Variants in LRP1B observed in about 807,000 individuals in gnomAD.
LRP1B encodes LDL receptor related protein 1B, also known as low-density lipoprotein receptor-related protein 1B.
Under a neutral mutation model 556.6 loss-of-function variants are expected in LRP1B, and 217 were observed. The ratio of observed to expected loss-of-function variants is 0.39; its 90% CI spans 0.35 to 0.44. The LOEUF is 0.44. Ranked by LOEUF, LRP1B falls within the 20% of genes least tolerant of loss-of-function variation. The pLI is 1.00. For missense variants in LRP1B, 5,053 were observed against 5,620.8 expected (o/e 0.90, Z 3.23); for synonymous variants, 2,047 against 1,865.8 (o/e 1.10, Z -2.50).
At chr2:140,516,772 T>C in intron 50 of LRP1B, 117 bp downstream of exon 50, 1 of 937,718 alleles carries the variant, frequency 1.1e-6, no homozygotes, top group South Asian at 1.6e-5. Flanking sequence ...TTAATAAAAA[T>C]GAAAATTAAT....
intron 3 of LRP1B, among the ~76,000 whole-genome samples, chr2:141,404,290 C>T (rs945154884): frequency 1.1e-4 from 17 of 152,040 alleles, no homozygotes; most frequent in Non-Finnish European, 1.5e-4. Flanking sequence ...TGATGAAGAT[C>T]GTAGTAGTTA....
rs560661596 is a variant in LRP1B at position 140,459,199 on chromosome 2, TTATA to T, written c.9626-1552_9626-1549del. 2.7e-3 allele frequency among the ~76,000 whole-genome samples: 408 copies of T among 152,296 alleles called. 2 individuals are homozygous for T. Among genetic ancestry groups the T allele is most frequent in the Admixed American group, 7.9e-3 (121 of 15,284 alleles). On this transcript the variant is annotated intron_variant, in intron 60 of 90. Transcript: ENST00000389484. ...CTATAATTAATTATGTGTGAGCTAT[TTATA>T]TAAACTATTCCCACCATTTTTCTTT... is the stretch of plus-strand genomic sequence containing the variant.
chr2:140,795,449 T>G (rs565861114), intron 32 of LRP1B, among the ~76,000 whole-genome samples: 1 of 152,262 alleles, frequency 6.6e-6, no homozygotes, highest in East Asian at 1.9e-4. Flanking sequence ...CTACTCAGAA[T>G]ATTTCCTGAA....
At chr2:140,279,784 CTT>C (rs1288486739) in intron 84 of LRP1B, among the ~76,000 whole-genome samples, 2 of 151,806 alleles carry the variant, frequency 1.3e-5, no homozygotes, top group African/African-American at 2.4e-5. Flanking sequence ...AATAGAGAAA[CTT>C]AATAGTTACT....
At chr2:140,836,396 C>T (rs1016858343) in intron 31 of LRP1B, among the ~76,000 whole-genome samples, 1 of 152,128 alleles carries the variant, frequency 6.6e-6, no homozygotes. Context: ...TTTTCCCAAC[C>T]ATGTTGTCCC....
intron 1 of LRP1B, among the ~76,000 whole-genome samples, chr2:142,104,932 T>C (rs1001801564): frequency 2.6e-5 from 4 of 152,152 alleles, no homozygotes; most frequent in East Asian, 1.9e-4. Flanking sequence ...CTGTCTCAAA[T>C]GTCCTAACAT....
chr2:140,770,745 A>T, intron 34 of LRP1B, 136 bp downstream of exon 34: 1 of 560,864 alleles, frequency 1.8e-6, no homozygotes, highest in African/African-American at 2.0e-5. Flanking sequence ...ATATGAGACT[A>T]AACAGTATAC....
At chr2:141,616,024 C>T (rs1400093576) in intron 2 of LRP1B, among the ~76,000 whole-genome samples, 1 of 152,152 alleles carries the variant, frequency 6.6e-6, no homozygotes, top group Non-Finnish European at 1.5e-5. Context: ...TGGCTCACGC[C>T]TGTAATCCCA....
chr2:140,514,837 G>A, intron 50 of LRP1B, 65 bp from the exon 51 acceptor site: 1 of 1,410,112 alleles, frequency 7.1e-7, no homozygotes. Flanking sequence ...ATCCGACAGT[G>A]AGAAGATTCT....
intron 67 of LRP1B, 35 bp downstream of exon 67, chr2:140,385,858 C>G (rs1178420905): frequency 6.9e-7 from 1 of 1,443,988 alleles, no homozygotes; most frequent in Admixed American, 1.7e-5. Context: ...AATGGGCTGT[C>G]AAGCTCAAAA....
chr2:141,145,274 AT>A (rs1701752214), intron 7 of LRP1B, among the ~76,000 whole-genome samples: 1 of 152,118 alleles, frequency 6.6e-6, no homozygotes. Flanking sequence ...TCGCTTTTAA[AT>A]TTAGCTTAGT....
intron 43 of LRP1B, among the ~76,000 whole-genome samples, chr2:140,582,704 G>C (rs760071539): frequency 6.6e-6 from 1 of 152,058 alleles, no homozygotes; most frequent in Non-Finnish European, 1.5e-5. Context: ...CAGGCCTGCT[G>C]GTGCCTTGAT....
At chr2:141,147,731 T>C (rs1309783024) in intron 7 of LRP1B, among the ~76,000 whole-genome samples, 1 of 152,212 alleles carries the variant, frequency 6.6e-6, no homozygotes, top group Non-Finnish European at 1.5e-5. Flanking sequence ...CTATGTCAAA[T>C]AATGTCAAAT....
At chr2:140,415,392 T>C (rs1213075834) in intron 66 of LRP1B, among the ~76,000 whole-genome samples, 1 of 152,174 alleles carries the variant, frequency 6.6e-6, no homozygotes, top group African/African-American at 2.4e-5. Flanking sequence ...TTGTACCTAC[T>C]CCCTGTTCTT....
intron 3 of LRP1B, among the ~76,000 whole-genome samples, chr2:141,445,371 C>G (rs1261947608): frequency 6.6e-6 from 1 of 152,078 alleles, no homozygotes; most frequent in Non-Finnish European, 1.5e-5. Flanking sequence ...TTTCAAAAAC[C>G]AGCTCCTGCA....
intron 3 of LRP1B, among the ~76,000 whole-genome samples, chr2:141,388,253 A>T (rs112992703): frequency 0.056 from 8,567 of 151,940 alleles, 281 homozygotes; most frequent in South Asian, 0.083. Flanking sequence ...CTGGCCAACA[A>T]GATGAAACCC....
chr2:141,183,072 A>T (rs552929660), intron 7 of LRP1B, among the ~76,000 whole-genome samples: 8 of 151,990 alleles, frequency 5.3e-5, no homozygotes, highest in Non-Finnish European at 5.9e-5. Context: ...TCAAAGTGAT[A>T]CATAGTGGTT....
chr2:141,738,016 G>T (rs189617852), intron 2 of LRP1B, among the ~76,000 whole-genome samples: 9 of 151,592 alleles, frequency 5.9e-5, no homozygotes. Context: ...CATTTTACTC[G>T]TTGATCCTCT....
intron 66 of LRP1B, among the ~76,000 whole-genome samples, chr2:140,435,687 G>T (rs914048558): frequency 2.7e-5 from 4 of 150,334 alleles, no homozygotes; most frequent in Non-Finnish European, 5.9e-5. Context: ...AAAAAAGAAA[G>T]AAACATCAAC....
Sources: gnomAD v4.1 joint callset for allele counts (sites outside exome capture counted in the v4.1 genomes callset) on GRCh38, gnomAD v4.1.1 for gene constraint, MANE v1.5 for transcripts, NCBI Gene and HGNC (gene_info 2026-07-23, HGNC 2026-07-21) for gene names.